Variants in DST observed in about 807,000 individuals in gnomAD.
The protein encoded by DST is dystonin.
Under a neutral mutation model 875.2 loss-of-function variants are expected in DST, and 253 were observed. The ratio of observed to expected loss-of-function variants is 0.29; its 90% CI spans 0.26 to 0.32. DST has a LOEUF of 0.32. Among genes scored for constraint, DST ranks in the 10% least tolerant of loss-of-function variants. The pLI is 1.00. For missense variants in DST, 8,287 were observed against 9,111.6 expected (o/e 0.91, Z 3.68); for synonymous variants, 3,124 against 3,197.1 (o/e 0.98, Z 0.77).
At chr6:56,461,234 AC>A (rs2094314384) in intron 102 of DST, 1 of 152,254 alleles carries the variant, frequency 6.6e-6, no homozygotes. Context: ...ATATGTGTAT[AC>A]TATACATACA....
At position 56,552,587 on chromosome 6, in the gene DST, T is replaced by A; in HGVS notation, c.16205A>T (p.Asp5402Val). 6.2e-7 allele frequency: 1 copy of A among 1,613,984 alleles called. No homozygotes were observed. Among genetic ancestry groups the A allele is most frequent in the Non-Finnish European group, 8.5e-7 (1 of 1,179,886 alleles). The change falls in exon 61 of 104, where the codon GAT (aspartate) becomes GTT (valine). Residue 5402 changes from aspartate to valine, a missense_variant. Asp to Val is a radical substitution (Grantham distance 152). Transcript: ENST00000680361. ...TGGAGCCATGCTATCCAGTTCATCA[T>A]CAAACTCTGCGAACTGAGAAAACAT... ...REMFSQFAEF[D>V]DELDSMAPVG...
chr6:56,928,262 T>C (rs1329380738), intron 2 of DST, among the ~76,000 whole-genome samples: 4 of 152,132 alleles, frequency 2.6e-5, no homozygotes, highest in Admixed American at 2.6e-4. Flanking sequence ...ACTTCCCCTT[T>C]CCAAGCTCCC....
intron 4 of DST, among the ~76,000 whole-genome samples, chr6:56,841,675 T>A (rs554091213): frequency 1.3e-5 from 2 of 152,336 alleles, no homozygotes; most frequent in South Asian, 4.1e-4. Flanking sequence ...ACTTTCAGAT[T>A]TTTTTATTTC....
intron 4 of DST, among the ~76,000 whole-genome samples, chr6:56,765,318 T>G (rs2099630737): frequency 6.6e-6 from 1 of 152,086 alleles, no homozygotes; most frequent in South Asian, 2.1e-4. Context: ...CCCAATTTTA[T>G]GTTTTGAGAT....
At chr6:56,623,825 T>G (rs902263796) in intron 36 of DST, among the ~76,000 whole-genome samples, 3 of 152,148 alleles carry the variant, frequency 2.0e-5, no homozygotes, top group Non-Finnish European at 2.9e-5. Flanking sequence ...TGACCACTGA[T>G]CTTTATAAAT....
intron 5 of DST, among the ~76,000 whole-genome samples, chr6:56,720,737 C>T (rs920134822): frequency 2.6e-5 from 4 of 152,102 alleles, no homozygotes; most frequent in Non-Finnish European, 5.9e-5. Context: ...AAAATGGAGG[C>T]TCCTATGTCT....
intron 10 of DST, among the ~76,000 whole-genome samples, chr6:56,654,491 G>A (rs2098993048): frequency 6.6e-6 from 1 of 151,704 alleles, no homozygotes; most frequent in Admixed American, 6.6e-5. Flanking sequence ...GAGAGGTATA[G>A]AAAAATGCTA....
chr6:56,877,859 A>C (rs1446398954), intron 3 of DST, among the ~76,000 whole-genome samples: 1 of 152,194 alleles, frequency 6.6e-6, no homozygotes, highest in East Asian at 1.9e-4. Flanking sequence ...AATTGGAAGT[A>C]TTTAGAGACT....
intron 5 of DST, 115 bp from the exon 6 acceptor site, chr6:56,704,484 C>A: frequency 3.8e-6 from 2 of 529,852 alleles, no homozygotes; most frequent in South Asian, 2.9e-5. Context: ...CATTCATGCA[C>A]CTATTTTTAA....
chr6:56,642,154 C>T (rs750997937), intron 16 of DST, 53 bp from the exon 17 acceptor site: 61 of 1,427,570 alleles, frequency 4.3e-5, no homozygotes, highest in Non-Finnish European at 5.9e-5. Context: ...TTCAAAACAA[C>T]CTGAAATATA....
At chr6:56,464,392 G>C in intron 100 of DST, 1 of 416,936 alleles carries the variant, frequency 2.4e-6, no homozygotes, top group Non-Finnish European at 4.3e-6. Flanking sequence ...CTGTGAGGTA[G>C]TCAGTGATGC....
intron 9 of DST, among the ~76,000 whole-genome samples, chr6:56,677,665 T>C (rs1563626678): frequency 6.6e-6 from 1 of 152,208 alleles, no homozygotes; most frequent in East Asian, 1.9e-4. Flanking sequence ...TTCACCAATC[T>C]GTCAGGTAGC....
rs202121891 is a variant in DST at position 56,555,548 on chromosome 6, G to A, written c.14933C>T (p.Thr4978Met). The change falls in exon 60 of 104, where the codon ACG becomes ATG. Residue 4978 changes from threonine (T) to methionine (M), a missense_variant. Transcript: ENST00000680361. ...CTGTTGGTTCATAGCATCAGGGTGCGTGCTCACAGCCAGACTGCTGCTGAG... is the reference window on the plus strand; with the variant it reads ...CTGTTGGTTCATAGCATCAGGGTGCATGCTCACAGCCAGACTGCTGCTGAG... ...NKLSSSLAVSTHPDAMNQQLE... is the reference protein window; with the variant it reads ...NKLSSSLAVSMHPDAMNQQLE... 176 of 1,613,868 alleles carry A rather than the reference G, an allele frequency of 1.1e-4. No individual in the cohort carries two copies. Among genetic ancestry groups the A allele is most frequent in the Non-Finnish European group, 1.4e-4 (167 of 1,179,880 alleles).
chr6:56,808,028 C>T (rs544426933), intron 4 of DST, among the ~76,000 whole-genome samples: 2 of 152,274 alleles, frequency 1.3e-5, no homozygotes, highest in South Asian at 4.1e-4. Context: ...AACCACTTGG[C>T]TGTTGAATTC....
chr6:56,898,975 G>A (rs1453152831), intron 3 of DST, among the ~76,000 whole-genome samples: 2 of 152,122 alleles, frequency 1.3e-5, no homozygotes, highest in Non-Finnish European at 2.9e-5. Context: ...AGTAACAGAT[G>A]GTAGAGGTAC....
At chr6:56,684,536 A>G (rs2152847413) in intron 9 of DST, among the ~76,000 whole-genome samples, 2 of 152,324 alleles carry the variant, frequency 1.3e-5, no homozygotes, top group South Asian at 4.1e-4. Flanking sequence ...AGACTAAAAG[A>G]GGTGACGTCA....
At chr6:56,494,482 A>C (rs1363233506) in intron 82 of DST, among the ~76,000 whole-genome samples, 1 of 152,102 alleles carries the variant, frequency 6.6e-6, no homozygotes, top group Non-Finnish European at 1.5e-5. Context: ...GTAACTAATT[A>C]GTTCTGTGAG....
At chr6:56,702,665 C>T (rs560936677) in intron 7 of DST, among the ~76,000 whole-genome samples, 2 of 152,250 alleles carry the variant, frequency 1.3e-5, no homozygotes, top group South Asian at 4.1e-4. Flanking sequence ...GGAAAAGTGA[C>T]AGATGAGAAT....
intron 17 of DST, 77 bp downstream of exon 17, chr6:56,641,870 C>A: frequency 8.9e-7 from 1 of 1,124,778 alleles, no homozygotes; most frequent in Non-Finnish European, 1.2e-6. Context: ...AATTTTCATA[C>A]TCTACATTCC....
Sources: allele counts gnomAD v4.1 joint callset (sites outside exome capture counted in the v4.1 genomes callset), GRCh38; gene constraint gnomAD v4.1.1; transcripts MANE v1.5; gene names NCBI Gene and HGNC (gene_info 2026-07-23, HGNC 2026-07-21).